The following HUWE1 variants were observed in gnomAD, a reference collection of about 807,000 sequenced individuals.
The protein encoded by HUWE1 is HECT, UBA and WWE domain containing E3 ubiquitin protein ligase 1.
A neutral mutation model predicts 299.4 loss-of-function variants in HUWE1; 18 were observed. The ratio of observed to expected loss-of-function variants is 0.06; its 90% confidence interval spans 0.04 to 0.09. The LOEUF is 0.09. HUWE1 is among the 10% of genes least tolerant of loss of function. The pLI is 1.00. For synonymous variants in HUWE1, 1,317 were observed against 1,286.1 expected (o/e 1.02, Z -0.51); for missense variants, 1,832 against 3,462.3 (o/e 0.53, Z 11.82).
intron 19 of HUWE1, among the ~76,000 whole-genome samples, chrX:53,623,696 T>C (rs2066295855): frequency 1.8e-5 from 2 of 112,071 alleles, no homozygotes; most frequent in African/African-American, 6.5e-5. Context: ...CATTTGCAGA[T>C]GACAAGATTA....
rs1603121594 is a variant in HUWE1 at position 53,617,208 on chromosome X, C to T, written c.1780-61G>A. 49 of 1,081,493 alleles carry T rather than the reference C, an allele frequency of 4.5e-5. No homozygotes were observed. The East Asian group carries it at 1.1e-3, about 23-fold the overall frequency. 89.1% of individuals were successfully genotyped at this position (1,081,493 alleles called of 1,213,427 possible). A position where few individuals can be genotyped will look rare whatever the true frequency, so the allele number is the denominator to read the frequency against. On this transcript the variant is annotated intron_variant, in intron 20 of 83. Transcript: ENST00000262854. ...AAAGAGTGTAGATGCTAGGAAAATC[C>T]GGCCATGGGTATCAAGCTGAGATAG...
At chrX:53,604,492 G>T (rs1392058267) in intron 26 of HUWE1, 97 bp downstream of exon 26, 1 of 1,002,000 alleles carries the variant, frequency 1.0e-6, no homozygotes, top group Non-Finnish European at 1.4e-6. Flanking sequence ...GCTACCTCAG[G>T]CAGACCTCCT....
chrX:53,599,791 AGGACGTT>A (rs1403284468), intron 29 of HUWE1, among the ~76,000 whole-genome samples: 7 of 112,352 alleles, frequency 6.2e-5, no homozygotes, highest in Non-Finnish European at 1.3e-4. Context: ...ACTTAGGACA[AGGACGTT>A]GTAGATGCCT....
chrX:53,533,829 A>G, intron 83 of HUWE1, 178 bp downstream of exon 83: 1 of 501,837 alleles, frequency 2.0e-6, no homozygotes, highest in Non-Finnish European at 3.6e-6. Flanking sequence ...CCCAGCCCCC[A>G]CTGTGTCTAG....
chrX:53,621,445 A>G (rs1569495726), intron 19 of HUWE1, among the ~76,000 whole-genome samples: 1 of 108,385 alleles, frequency 9.2e-6, no homozygotes. Context: ...AGTTACTTTT[A>G]TAATAATTTC....
At chrX:53,589,442 A>G (rs2064036439) in intron 36 of HUWE1, 105 bp downstream of exon 36, 2 of 735,841 alleles carry the variant, frequency 2.7e-6, no homozygotes, top group Non-Finnish European at 4.3e-6. Flanking sequence ...GAATATACCC[A>G]TATCAGGTAG....
intron 33 of HUWE1, among the ~76,000 whole-genome samples, chrX:53,591,835 T>G (rs1222224526): frequency 9.0e-6 from 1 of 111,507 alleles, no homozygotes; most frequent in African/African-American, 3.3e-5. Context: ...ACGGGACAAG[T>G]GTATATAGTA....
intron 4 of HUWE1, among the ~76,000 whole-genome samples, chrX:53,650,001 T>C (rs1253711697): frequency 8.9e-6 from 1 of 111,898 alleles, no homozygotes; most frequent in African/African-American, 3.3e-5. Flanking sequence ...CTATTGGGGC[T>C]TGCCAAAAGC....
intron 42 of HUWE1, among the ~76,000 whole-genome samples, 190 bp from the exon 43 acceptor site, chrX:53,581,216 T>C (rs1453358192): frequency 2.7e-5 from 3 of 112,128 alleles, no homozygotes; most frequent in African/African-American, 9.7e-5. Context: ...CTCAAAACTA[T>C]CAATTATTAG....
intron 66 of HUWE1, among the ~76,000 whole-genome samples, 194 bp from the exon 67 acceptor site, chrX:53,549,699 T>A: frequency 9.0e-6 from 1 of 110,583 alleles, no homozygotes; most frequent in Admixed American, 9.6e-5. Flanking sequence ...TTACAATGAC[T>A]GTACATCATC....
intron 25 of HUWE1, 66 bp from the exon 26 acceptor site, chrX:53,604,900 T>A (rs2065070943): frequency 9.6e-7 from 1 of 1,040,983 alleles, no homozygotes. Context: ...TGTCTTTTAA[T>A]AGTCACAATG....
intron 3 of HUWE1, among the ~76,000 whole-genome samples, chrX:53,679,771 A>G (rs1375471194): frequency 1.8e-5 from 2 of 112,636 alleles, no homozygotes; most frequent in African/African-American, 6.4e-5. Context: ...CGTAACTTTA[A>G]TAAGAACTGG....
chrX:53,589,885 G>T (rs782146619), intron 35 of HUWE1, 69 bp from the exon 36 acceptor site: 374 of 1,080,416 alleles, frequency 3.5e-4, no homozygotes, highest in Non-Finnish European at 4.6e-4. Flanking sequence ...GAGAGACTCT[G>T]AGAATGTTTT....
chrX:53,669,314 CAT>C (rs782671350), intron 3 of HUWE1, among the ~76,000 whole-genome samples: 32 of 112,246 alleles, frequency 2.9e-4, no homozygotes, highest in African/African-American at 3.2e-4. Flanking sequence ...CAGCCTGACA[CAT>C]AGTTATTTCA....
At chrX:53,669,544 C>T (rs1415376227) in intron 3 of HUWE1, among the ~76,000 whole-genome samples, 1 of 112,341 alleles carries the variant, frequency 8.9e-6, no homozygotes, top group Non-Finnish European at 1.9e-5. Flanking sequence ...ATCTGTAGTA[C>T]TTTGCCTTCA....
At position 53,536,183 on chromosome X, in the gene HUWE1, G is replaced by C; in HGVS notation, c.12495C>G (p.Val4165=). ...QGLVYLLEND[V]STLGYDLTFS... ...AGGTGAGGTCATAGCCTAGTGTGGA[G>C]ACATCATTTTCCAGCAGATAAACCA... Residue 4165 remains valine, a synonymous_variant, in exon 80 of 84, where the codon GTC becomes GTG. Transcript: ENST00000262854. 1 of 1,203,976 alleles carries C rather than the reference G, an allele frequency of 8.3e-7. No homozygotes were observed. Among genetic ancestry groups the C allele is most frequent in the Non-Finnish European group, 1.1e-6 (1 of 888,776 alleles).
At chrX:53,671,224 A>G (rs1807168751) in intron 3 of HUWE1, among the ~76,000 whole-genome samples, 1 of 111,641 alleles carries the variant, frequency 9.0e-6, no homozygotes. Context: ...ACAAATCACC[A>G]CTAAGGAACT....
At chrX:53,648,710 T>A (rs1448933378) in intron 4 of HUWE1, among the ~76,000 whole-genome samples, 1 of 105,717 alleles carries the variant, frequency 9.5e-6, no homozygotes, top group African/African-American at 3.5e-5. Context: ...TTAACCAGAA[T>A]GCCTGGTAGG....
At chrX:53,542,330 G>T in intron 74 of HUWE1, 113 bp downstream of exon 74, 1 of 575,473 alleles carries the variant, frequency 1.7e-6, no homozygotes. Flanking sequence ...AGGGTTTACT[G>T]GAACAAATGG....
Sources: allele counts gnomAD v4.1 joint callset (sites outside exome capture counted in the v4.1 genomes callset), GRCh38; gene constraint gnomAD v4.1.1; transcripts MANE v1.5; gene names NCBI Gene and HGNC (gene_info 2026-07-23, HGNC 2026-07-21).